MRAP: variants seen among roughly 807,000 people sequenced by gnomAD.
MRAP encodes melanocortin 2 receptor accessory protein, also known as melanocortin-2 receptor accessory protein.
Under a neutral mutation model 8.7 loss-of-function variants are expected in MRAP, and 8 were observed. The observed-to-expected ratio is 0.92, with a 90% CI of 0.54 to 1.66. The LOEUF is 1.66. Ranked by LOEUF, MRAP falls within the 40% of genes most tolerant of loss-of-function variation. MRAP has a pLI of 0.00. For missense variants in MRAP, 237 were observed against 217.1 expected (o/e 1.09, Z -0.58); for synonymous variants, 95 against 95.5 (o/e 1.00, Z 0.03).
At chr21:32,294,755 G>A (rs2032110445), upstream of MRAP, among the ~76,000 whole-genome samples, 1 of 152,010 alleles carries the variant, frequency 6.6e-6, no homozygotes, top group African/African-American at 2.4e-5. Context: ...GATGATGATT[G>A]GGATTGCAGG....
intron 1 of MRAP, among the ~76,000 whole-genome samples, chr21:32,300,776 C>A (rs796877699): frequency 2.4e-5 from 1 of 41,868 alleles, no homozygotes; most frequent in Non-Finnish European, 6.6e-5. Context: ...GGCGTCATGC[C>A]TCCTATGTCG....
intron 1 of MRAP, among the ~76,000 whole-genome samples, chr21:32,300,386 GTCACGCATCCTATGTCGGATGCA>G (rs1008546122): frequency 4.6e-5 from 7 of 151,044 alleles, no homozygotes; most frequent in Admixed American, 2.0e-4. Context: ...TGTCAGGGGC[GTCACGCATCCTATGTCGGATGCA>G]TCACGCGTCC....
At chr21:32,313,389 C>T (rs1250458165), downstream of MRAP, 2 of 152,254 alleles carry the variant, frequency 1.3e-5, no homozygotes, top group Non-Finnish European at 2.9e-5. Context: ...GAAGAGAACG[C>T]TTTGTTGGAG....
upstream of MRAP, among the ~76,000 whole-genome samples, chr21:32,294,260 G>A (rs979584059): frequency 2.0e-5 from 3 of 151,948 alleles, no homozygotes; most frequent in South Asian, 2.1e-4. Flanking sequence ...GACTACAGGC[G>A]CCTGCCACCA....
chr21:32,300,212 T>G (rs993358050), intron 1 of MRAP, among the ~76,000 whole-genome samples: 5 of 152,128 alleles, frequency 3.3e-5, no homozygotes, highest in African/African-American at 1.2e-4. Context: ...CACAGTGAGA[T>G]CCCATCTCCA....
chr21:32,298,137 G>C (rs1358393812), upstream of MRAP, among the ~76,000 whole-genome samples: 2 of 152,220 alleles, frequency 1.3e-5, no homozygotes, highest in Non-Finnish European at 2.9e-5. Context: ...GTTAGTGTCT[G>C]AGGATCTCAG....
At chr21:32,300,413 C>T (rs189181280) in intron 1 of MRAP, among the ~76,000 whole-genome samples, 14 of 149,262 alleles carry the variant, frequency 9.4e-5, no homozygotes, top group Admixed American at 4.7e-4. Flanking sequence ...GGATGCATCA[C>T]GCGTCCTGCG....
intron 2 of MRAP, among the ~76,000 whole-genome samples, chr21:32,307,019 A>G (rs1464172362): frequency 6.6e-6 from 1 of 152,158 alleles, no homozygotes; most frequent in East Asian, 1.9e-4. Context: ...CTACGTCCCT[A>G]CAATGGAATA....
At chr21:32,295,583 G>A (rs376787008), upstream of MRAP, among the ~76,000 whole-genome samples, 27 of 152,270 alleles carry the variant, frequency 1.8e-4, no homozygotes, top group African/African-American at 6.0e-4. Flanking sequence ...TGTAGGGGGA[G>A]CCCTCTCCTG....
intron 2 of MRAP, among the ~76,000 whole-genome samples, chr21:32,310,018 G>A (rs990616439): frequency 3.9e-5 from 6 of 152,126 alleles, no homozygotes; most frequent in African/African-American, 1.2e-4. Context: ...AGGGATAAAC[G>A]AGTGATGTCA....
intron 1 of MRAP, among the ~76,000 whole-genome samples, chr21:32,300,848 CTA>C (rs1301015055): frequency 2.0e-5 from 3 of 148,434 alleles, no homozygotes; most frequent in Non-Finnish European, 4.5e-5. Flanking sequence ...GTCATGCGCC[CTA>C]TGTCAGGGGC....
chr21:32,310,223 T>A (rs2032524839), intron 2 of MRAP, among the ~76,000 whole-genome samples: 1 of 152,032 alleles, frequency 6.6e-6, no homozygotes, highest in South Asian at 2.1e-4. Context: ...CATGGCTTAC[T>A]AAAGAAAATG....
chr21:32,314,711 G>A (rs1244604913), downstream of MRAP: 3 of 1,553,228 alleles, frequency 1.9e-6, no homozygotes, highest in South Asian at 2.2e-5. Context: ...CAACTCTGAT[G>A]CTGGGCACCT....
In MRAP at chr21:32,300,543, G is replaced by A. The variant is rs558443899; in HGVS notation, c.106+1466G>A. On this transcript the variant is annotated intron_variant, in intron 1 of 2. Transcript: ENST00000303645. ...ACGTCATGCGTCGCATGTCAGATGC[G>A]TCACGTGTCCTATGTCAGATGTTTC... Among the ~76,000 whole-genome samples the A allele has an allele frequency of 2.5e-4, 38 of 150,056 alleles. No individual in the cohort carries two copies. In the South Asian group the frequency reaches 6.6e-3, roughly 26 times the overall value.
intron 1 of MRAP, among the ~76,000 whole-genome samples, chr21:32,299,690 G>C (rs1402037992): frequency 6.6e-6 from 1 of 152,150 alleles, no homozygotes; most frequent in Admixed American, 6.5e-5. Context: ...AATAAGCTGA[G>C]CGAGTTTCCT....
Position 32,298,888 on chromosome 21 carries a change from G to C in MRAP, c.-84G>C. On this transcript the variant is annotated 5_prime_UTR_variant, in exon 1 of 3. Transcript: ENST00000303645. ...ACTTGGACGATTCCTGCAGAAATCA[G>C]TGAGGCAGTCTCCTCCCAGGGGCTT... 1 of 916,906 alleles carries C rather than the reference G, an allele frequency of 1.1e-6. No individual in the cohort carries two copies. Among genetic ancestry groups the C allele is most frequent in the Non-Finnish European group, 1.8e-6 (1 of 557,340 alleles). The allele number at this position is 916,906 out of a possible 1,614,324, so 56.8% of individuals were successfully genotyped here. A position where few individuals can be genotyped will look rare whatever the true frequency, so the allele number is the denominator to read the frequency against.
chr21:32,295,235 TA>T (rs2032119162), upstream of MRAP, among the ~76,000 whole-genome samples: 1 of 152,090 alleles, frequency 6.6e-6, no homozygotes, highest in African/African-American at 2.4e-5. Flanking sequence ...CGAAAGGAAG[TA>T]AAGTACACAT....
intron 2 of MRAP, 158 bp from the exon 3 acceptor site, chr21:32,311,526 C>CT (rs766476418): frequency 4.6e-6 from 5 of 1,075,458 alleles, no homozygotes; most frequent in Non-Finnish European, 6.6e-6. Context: ...GAATGGCCAC[C>CT]TTTGTGAGCT....
chr21:32,300,824 CCTAT>C (rs1284691599), intron 1 of MRAP, among the ~76,000 whole-genome samples: 60 of 145,950 alleles, frequency 4.1e-4, no homozygotes, highest in Middle Eastern at 4.0e-3. Flanking sequence ...CGTCATGTGT[CCTAT>C]GTCGGATATG....
Sources: allele counts gnomAD v4.1 joint callset (sites outside exome capture counted in the v4.1 genomes callset), GRCh38; gene constraint gnomAD v4.1.1; transcripts MANE v1.5; gene names NCBI Gene and HGNC (gene_info 2026-07-23, HGNC 2026-07-21).